Variants in SCHIP1 observed in about 807,000 individuals in gnomAD.
SCHIP1 encodes the protein schwannomin-interacting protein 1.
A neutral mutation model predicts 29.7 loss-of-function variants in SCHIP1; 8 were observed. That is an observed-to-expected ratio of 0.27 (90% CI 0.16 to 0.49). The LOEUF (loss-of-function observed/expected upper bound fraction) is 0.49, where lower values mean the gene tolerates loss of function less well. Ranked by LOEUF, SCHIP1 falls within the 20% of genes least tolerant of loss-of-function variation. The pLI is 0.99. For synonymous variants in SCHIP1, 76 were observed against 94.9 expected (o/e 0.80, Z 1.16); for missense variants, 193 against 294.6 (o/e 0.66, Z 2.52).
At chr3:159,891,995 T>C in intron 5 of SCHIP1, 102 bp from the exon 7 acceptor site, 1 of 1,267,364 alleles carries the variant, frequency 7.9e-7, no homozygotes, top group South Asian at 1.6e-5. Context: ...ATATCTTTCC[T>C]ATTATGGGTA....
the SCHIP1 span, among the ~76,000 whole-genome samples, chr3:159,582,189 T>G: frequency 2.0e-5 from 3 of 152,140 alleles, no homozygotes; most frequent in African/African-American, 7.2e-5. Context: ...TGTCTTGTTT[T>G]TGAGACAGGG....
chr3:159,375,857 C>A, the SCHIP1 span: 3 of 570,270 alleles, frequency 5.3e-6, no homozygotes, highest in Non-Finnish European at 6.7e-6. Flanking sequence ...GGAAGTCAGG[C>A]ACTAAGGAAA....
the SCHIP1 span, among the ~76,000 whole-genome samples, chr3:159,632,538 T>C: frequency 3.9e-5 from 6 of 152,338 alleles, no homozygotes; most frequent in African/African-American, 1.2e-4. Flanking sequence ...TTTTGTTGTA[T>C]TAGCAACTGG....
the SCHIP1 span, among the ~76,000 whole-genome samples, chr3:159,831,417 C>A: frequency 2.0e-5 from 3 of 152,080 alleles, no homozygotes; most frequent in Non-Finnish European, 4.4e-5. Context: ...TTTCCAGGAC[C>A]CTCGGAGGAT....
chr3:159,571,272 T>C, the SCHIP1 span, among the ~76,000 whole-genome samples: 4 of 152,190 alleles, frequency 2.6e-5, no homozygotes, highest in Admixed American at 6.5e-5. Flanking sequence ...TGTGGGTTTG[T>C]CACAAATAGC....
the SCHIP1 span, among the ~76,000 whole-genome samples, chr3:159,767,657 G>A: frequency 1.3e-5 from 2 of 151,980 alleles, no homozygotes; most frequent in Non-Finnish European, 2.9e-5. Context: ...TCCTACTTCA[G>A]GGCTTTTGCC....
At chr3:159,526,299 G>A in the SCHIP1 span, among the ~76,000 whole-genome samples, 1 of 152,094 alleles carries the variant, frequency 6.6e-6, no homozygotes, top group African/African-American at 2.4e-5. Context: ...CTCACAAGTA[G>A]CTGGGACTAT....
chr3:159,479,170 A>G, the SCHIP1 span, among the ~76,000 whole-genome samples: 4 of 152,214 alleles, frequency 2.6e-5, no homozygotes, highest in Non-Finnish European at 4.4e-5. Flanking sequence ...CAATGTTAAT[A>G]TCAGAAAAAG....
At chr3:159,426,138 A>G in the SCHIP1 span, among the ~76,000 whole-genome samples, 2 of 152,030 alleles carry the variant, frequency 1.3e-5, no homozygotes, top group Admixed American at 6.6e-5. Flanking sequence ...AAGAACTAGA[A>G]AAGCAAGAGC....
chr3:159,780,158 A>G, the SCHIP1 span, among the ~76,000 whole-genome samples: 2 of 152,188 alleles, frequency 1.3e-5, no homozygotes, highest in African/African-American at 4.8e-5. Context: ...TGCTGCAGGT[A>G]GAAGAGCTCC....
At chr3:159,493,415 G>A in the SCHIP1 span, among the ~76,000 whole-genome samples, 13 of 151,970 alleles carry the variant, frequency 8.6e-5, no homozygotes, top group South Asian at 4.2e-4. Context: ...AGATCTACCA[G>A]GCAAATGGAA....
chr3:159,691,847 C>T, the SCHIP1 span, among the ~76,000 whole-genome samples: 4 of 151,950 alleles, frequency 2.6e-5, no homozygotes, highest in African/African-American at 9.7e-5. Flanking sequence ...TTTATTTCTC[C>T]TTCATTTACG....
chr3:159,618,861 G>A, the SCHIP1 span, among the ~76,000 whole-genome samples: 4 of 152,228 alleles, frequency 2.6e-5, no homozygotes, highest in African/African-American at 4.8e-5. Context: ...CTGGTGGGCT[G>A]TTGATTGCAT....
the SCHIP1 span, among the ~76,000 whole-genome samples, chr3:159,457,797 C>A: frequency 6.6e-6 from 1 of 151,970 alleles, no homozygotes; most frequent in Non-Finnish European, 1.5e-5. Flanking sequence ...AGAAATTAGG[C>A]ACAGTAAGAG....
At chr3:159,739,035 G>A in the SCHIP1 span, among the ~76,000 whole-genome samples, 1 of 152,208 alleles carries the variant, frequency 6.6e-6, no homozygotes, top group Non-Finnish European at 1.5e-5. Flanking sequence ...TTTCTGCCTA[G>A]AAGATGTTTG....
chr3:159,423,266 C>T, the SCHIP1 span, among the ~76,000 whole-genome samples: 3 of 152,206 alleles, frequency 2.0e-5, no homozygotes, highest in African/African-American at 4.8e-5. Flanking sequence ...TTGCCTCACT[C>T]GGGAAGCTCA....
At chr3:159,451,324 G>A in the SCHIP1 span, among the ~76,000 whole-genome samples, 1 of 152,212 alleles carries the variant, frequency 6.6e-6, no homozygotes, top group African/African-American at 2.4e-5. Flanking sequence ...GTGGGCAAGA[G>A]TGTTAGACAA....
At chr3:159,865,107 A>G (rs1185509665) in intron 1 of SCHIP1, among the ~76,000 whole-genome samples, 1 of 152,178 alleles carries the variant, frequency 6.6e-6, no homozygotes, top group African/African-American at 2.4e-5. Context: ...AGGCATCACC[A>G]AGCCTTTAGT....
At chr3:159,413,337 T>C in the SCHIP1 span, among the ~76,000 whole-genome samples, 1 of 152,232 alleles carries the variant, frequency 6.6e-6, no homozygotes, top group Admixed American at 6.5e-5. Flanking sequence ...ATGGCGGTTA[T>C]GCAGATTCCC....
Sources: gnomAD v4.1 joint callset for allele counts (sites outside exome capture counted in the v4.1 genomes callset) on GRCh38, gnomAD v4.1.1 for gene constraint, MANE v1.5 for transcripts, NCBI Gene and HGNC (gene_info 2026-07-23, HGNC 2026-07-21) for gene names.